The following SYT1 variants were observed in gnomAD, a reference collection of about 807,000 sequenced individuals.
SYT1 encodes the protein synaptotagmin-1.
Under a neutral mutation model 44.8 loss-of-function variants are expected in SYT1, and 8 were observed. The observed-to-expected ratio is 0.18, with a 90% CI of 0.10 to 0.32. The LOEUF (loss-of-function observed/expected upper bound fraction) is 0.32, where lower values mean the gene tolerates loss of function less well. SYT1 is among the 10% of genes least tolerant of loss of function. The pLI, the probability that SYT1 is intolerant of heterozygous loss-of-function variation, is 1.00. For missense variants in SYT1, 286 were observed against 509.3 expected (o/e 0.56, Z 4.22); for synonymous variants, 154 against 188.8 (o/e 0.82, Z 1.51).
intron 2 of SYT1, among the ~76,000 whole-genome samples, chr12:78,998,908 A>G (rs142980414): frequency 6.6e-4 from 101 of 152,312 alleles, no homozygotes; most frequent in Non-Finnish European, 1.4e-3. Context: ...AATTTGGTCA[A>G]TATCTTGAGT....
At chr12:79,439,884 G>A (rs1034241930) in intron 9 of SYT1, among the ~76,000 whole-genome samples, 1 of 150,294 alleles carries the variant, frequency 6.7e-6, no homozygotes, top group Non-Finnish European at 1.5e-5. Context: ...AAGAGCAGCA[G>A]GTTTGGAGTC....
At chr12:79,131,106 ATG>A (rs1441385891) in intron 3 of SYT1, among the ~76,000 whole-genome samples, 9 of 149,682 alleles carry the variant, frequency 6.0e-5, no homozygotes, top group Non-Finnish European at 1.0e-4. Context: ...AAATGTGTGC[ATG>A]TGTGTTTTCT....
intron 2 of SYT1, among the ~76,000 whole-genome samples, chr12:78,985,640 G>A (rs1339911264): frequency 6.6e-6 from 1 of 151,552 alleles, no homozygotes; most frequent in Admixed American, 6.6e-5. Flanking sequence ...TGTTCTTTTA[G>A]GACTGTTAAT....
intron 3 of SYT1, among the ~76,000 whole-genome samples, chr12:79,056,548 A>G (rs1457564078): frequency 2.0e-5 from 3 of 152,032 alleles, no homozygotes; most frequent in African/African-American, 7.2e-5. Context: ...TCTTATCATG[A>G]AATTATTTTC....
intron 1 of SYT1, among the ~76,000 whole-genome samples, chr12:78,898,594 G>C (rs573193486): frequency 4.9e-4 from 75 of 152,162 alleles, no homozygotes; most frequent in African/African-American, 1.8e-3. Flanking sequence ...TATGGCCCTA[G>C]TTAGATAGAA....
At chr12:79,190,405 G>C (rs1873042393) in intron 3 of SYT1, among the ~76,000 whole-genome samples, 1 of 151,948 alleles carries the variant, frequency 6.6e-6, no homozygotes, top group Admixed American at 6.6e-5. Context: ...GCCTATAAGA[G>C]CACCATAAAA....
chr12:79,364,833 A>G (rs1883475223), intron 9 of SYT1, among the ~76,000 whole-genome samples: 1 of 152,168 alleles, frequency 6.6e-6, no homozygotes, highest in Admixed American at 6.5e-5. Context: ...ATTACTACAT[A>G]TACTACATAT....
chr12:79,109,636 A>T (rs1878907249), intron 3 of SYT1, among the ~76,000 whole-genome samples: 1 of 152,178 alleles, frequency 6.6e-6, no homozygotes, highest in South Asian at 2.1e-4. Context: ...TCAAAGCATA[A>T]TAGAGATTAA....
chr12:79,363,979 A>G (rs1399933961), intron 9 of SYT1, among the ~76,000 whole-genome samples: 1 of 152,120 alleles, frequency 6.6e-6, no homozygotes, highest in South Asian at 2.1e-4. Context: ...ACCTTAATAT[A>G]CCCTGCCTAA....
At chr12:79,108,304 G>C (rs1769867979) in intron 3 of SYT1, among the ~76,000 whole-genome samples, 1 of 151,538 alleles carries the variant, frequency 6.6e-6, no homozygotes, top group East Asian at 1.9e-4. Flanking sequence ...AAAATCTAGG[G>C]AAATATTTAC....
At chr12:79,313,891 C>T (rs1425432104) in intron 8 of SYT1, among the ~76,000 whole-genome samples, 7 of 148,980 alleles carry the variant, frequency 4.7e-5, no homozygotes, top group East Asian at 1.9e-4. Flanking sequence ...TTAGCGGGGC[C>T]GGGCGCGGTG....
At chr12:78,882,827 C>G (rs1322302358) in intron 1 of SYT1, among the ~76,000 whole-genome samples, 4 of 151,534 alleles carry the variant, frequency 2.6e-5, no homozygotes, top group Admixed American at 1.3e-4. Flanking sequence ...GAGTTTTTAT[C>G]CAATTGTTTT....
intron 1 of SYT1, among the ~76,000 whole-genome samples, chr12:78,940,719 C>T (rs931426777): frequency 6.6e-6 from 1 of 152,108 alleles, no homozygotes; most frequent in African/African-American, 2.4e-5. Flanking sequence ...GACAAAATTA[C>T]TTTGCAACAT....
chr12:79,348,854 G>A (rs1366354914), intron 8 of SYT1, among the ~76,000 whole-genome samples: 8 of 149,526 alleles, frequency 5.4e-5, no homozygotes, highest in African/African-American at 2.0e-4. Context: ...TGACATGGAT[G>A]TGGAAGTGGA....
intron 2 of SYT1, among the ~76,000 whole-genome samples, chr12:78,985,857 C>A (rs988343795): frequency 6.6e-6 from 1 of 151,848 alleles, no homozygotes; most frequent in African/African-American, 2.4e-5. Context: ...GGTATTCATC[C>A]AATAAACTGT....
chr12:79,346,961 T>A (rs1882635314), intron 8 of SYT1, among the ~76,000 whole-genome samples: 1 of 152,058 alleles, frequency 6.6e-6, no homozygotes, highest in African/African-American at 2.4e-5. Context: ...TTCTACCAGC[T>A]ATAAAGCAAT....
At chr12:79,375,705 G>A (rs1883965983) in intron 9 of SYT1, among the ~76,000 whole-genome samples, 1 of 152,062 alleles carries the variant, frequency 6.6e-6, no homozygotes, top group South Asian at 2.1e-4. Context: ...TTCACTTATT[G>A]CTCATAGTGT....
intron 9 of SYT1, among the ~76,000 whole-genome samples, chr12:79,384,697 C>G (rs956326669): frequency 3.9e-5 from 6 of 152,148 alleles, no homozygotes; most frequent in African/African-American, 1.2e-4. Context: ...CCAAAATGAT[C>G]TAAATTTATA....
chr12:79,106,451 A>G (rs138684960), intron 3 of SYT1, among the ~76,000 whole-genome samples: 1 of 152,016 alleles, frequency 6.6e-6, no homozygotes, highest in African/African-American at 2.4e-5. Context: ...TTTAACTCAG[A>G]TATTCAGTTT....
Sources: allele counts gnomAD v4.1 joint callset (sites outside exome capture counted in the v4.1 genomes callset), GRCh38; gene constraint gnomAD v4.1.1; transcripts MANE v1.5; gene names NCBI Gene and HGNC (gene_info 2026-07-23, HGNC 2026-07-21).